DSCAML1: variants seen among roughly 807,000 people sequenced by gnomAD.
The protein encoded by DSCAML1 is DS cell adhesion molecule like 1, also known as cell adhesion molecule DSCAML1.
DSCAML1 carries 38 observed loss-of-function variants against 200.5 expected under a neutral mutation model. That is an observed-to-expected ratio of 0.19 (90% CI 0.15 to 0.25). The LOEUF is 0.25. DSCAML1 is among the 10% of genes least tolerant of loss of function. The pLI, the probability that DSCAML1 is intolerant of heterozygous loss-of-function variation, is 1.00. For synonymous variants in DSCAML1, 1,215 were observed against 1,165.0 expected (o/e 1.04, Z -0.87); for missense variants, 2,223 against 2,858.8 (o/e 0.78, Z 5.07).
intron 3 of DSCAML1, among the ~76,000 whole-genome samples, chr11:117,551,155 A>G (rs543639792): frequency 6.6e-6 from 1 of 152,368 alleles, no homozygotes; most frequent in African/African-American, 2.4e-5. Context: ...TAGTCCCTAA[A>G]AACGTGTAAA....
In DSCAML1 at chr11:117,776,837, A is replaced by G; in HGVS notation, c.465T>C (p.Tyr155=). The G allele has an allele frequency of 1.9e-6, 3 of 1,614,154 alleles. No individual in the cohort carries two copies. Among genetic ancestry groups the G allele is most frequent in the East Asian group, 2.2e-5 (1 of 44,882 alleles). ...KCLIPSSVQE[Y]VSVVSWEKDT... ...CTTTCTCCCAAGATACAACGCTAAC[A>G]TATTCCTGCACTGAAGAGGGGATGA... Residue 155 remains tyrosine (Y), a synonymous_variant, in exon 3 of 33, where the codon TAT becomes TAC. Transcript: ENST00000651296.
chr11:117,775,767 G>A (rs540982248), intron 3 of DSCAML1, among the ~76,000 whole-genome samples: 1 of 152,152 alleles, frequency 6.6e-6, no homozygotes, highest in South Asian at 2.1e-4. Context: ...TTCTAAAGGA[G>A]CTCCTCGGGG....
rs1182660051 is a variant in DSCAML1, at chr11:117,780,290, A to AAGAAAGAAAGAAAGACAGAC, written c.364+202_364+203insGTCTGTCTTTCTTTCTTTCT. Among the ~76,000 whole-genome samples the AAGAAAGAAAGAAAGACAGAC allele has an allele frequency of 2.0e-5, 2 of 100,208 alleles. No homozygotes were observed. The highest frequency in any genetic ancestry group is 5.4e-4 in the East Asian group (2 of 3,696). 65.7% of individuals were successfully genotyped at this position (100,208 alleles called of 152,430 possible). A position where few individuals can be genotyped will look rare whatever the true frequency, so the allele number is the denominator to read the frequency against. On this transcript the variant is annotated intron_variant, in intron 2 of 32. Transcript: ENST00000651296. This position sits in a 1 kb window ranked among gnomAD's most constrained non-coding sequence, Gnocchi z 4.8. ...AAAGAAAGAAAGAAAGAAAGAAAGAAAGAAAGAAAGAAAGAGAGAAAGGAG... is the reference window on the plus strand; with the variant it reads ...AAAGAAAGAAAGAAAGAAAGAAAGAAAGAAAGAAAGAAAGACAGACAGAAAGAAAGAAAGAGAGAAAGGAG...
chr11:117,447,541 CTT>C (rs2048204980), intron 20 of DSCAML1, among the ~76,000 whole-genome samples: 1 of 152,098 alleles, frequency 6.6e-6, no homozygotes, highest in African/African-American at 2.4e-5. Context: ...CCTCTCTATT[CTT>C]TTATATGTTT....
chr11:117,436,613 C>T (rs1473195005), intron 26 of DSCAML1, among the ~76,000 whole-genome samples: 1 of 152,030 alleles, frequency 6.6e-6, no homozygotes, highest in Non-Finnish European at 1.5e-5. Context: ...TTCTGTGGAT[C>T]CTGGAGTCTC....
intron 3 of DSCAML1, among the ~76,000 whole-genome samples, chr11:117,634,762 C>A (rs911160081): frequency 6.6e-6 from 1 of 152,220 alleles, no homozygotes; most frequent in Non-Finnish European, 1.5e-5. Context: ...TGGTCCCCTA[C>A]TCCTCGAGGC....
intron 3 of DSCAML1, among the ~76,000 whole-genome samples, chr11:117,674,722 G>A (rs569624287): frequency 2.6e-4 from 39 of 152,248 alleles, no homozygotes; most frequent in African/African-American, 8.4e-4. Context: ...TGGTCCAAGC[G>A]GAAGAATATC....
chr11:117,764,301 G>A (rs1213021340), intron 3 of DSCAML1, among the ~76,000 whole-genome samples: 1 of 152,208 alleles, frequency 6.6e-6, no homozygotes, highest in East Asian at 1.9e-4. Context: ...GTGTGTGCAT[G>A]AGTGTGTGAA....
At position 117,706,413 on chromosome 11, in the gene DSCAML1, G is replaced by A. The variant is rs115079242; in HGVS notation, c.511+70378C>T. ...TCTAACTTTCCCATGACTCGGTGCC[G>A]GTCTATTCCCAGGGAGAAAAGCAAT... On this transcript the variant is annotated intron_variant, in intron 3 of 32. Transcript: ENST00000651296. Among the ~76,000 whole-genome samples, 403 of 152,234 alleles carry A rather than the reference G, an allele frequency of 2.6e-3. 1 individual carries two copies. The highest frequency in any genetic ancestry group is 9.1e-3 in the African/African-American group (379 of 41,550).
At chr11:117,593,411 C>T (rs756079182) in intron 3 of DSCAML1, among the ~76,000 whole-genome samples, 6 of 152,216 alleles carry the variant, frequency 3.9e-5, no homozygotes, top group South Asian at 2.1e-4. Context: ...GGCTGCTGTG[C>T]GGCCTCCCTC....
chr11:117,759,041 G>A (rs2054750086), intron 3 of DSCAML1, among the ~76,000 whole-genome samples: 1 of 152,122 alleles, frequency 6.6e-6, no homozygotes, highest in Admixed American at 6.5e-5. Context: ...TGTCCTCTTT[G>A]TAAACTCTGG....
At chr11:117,619,156 G>A (rs2051874665) in intron 3 of DSCAML1, among the ~76,000 whole-genome samples, 1 of 152,208 alleles carries the variant, frequency 6.6e-6, no homozygotes, top group Admixed American at 6.5e-5. Flanking sequence ...TCCCGTAAGG[G>A]CTGCCAAGTC....
At chr11:117,673,704 G>A (rs954836868) in intron 3 of DSCAML1, among the ~76,000 whole-genome samples, 2 of 152,262 alleles carry the variant, frequency 1.3e-5, no homozygotes, top group Admixed American at 6.5e-5. Context: ...GGGTTGAGGA[G>A]GTGGGGGTGG....
At chr11:117,701,833 T>C (rs2053673084) in intron 3 of DSCAML1, among the ~76,000 whole-genome samples, 1 of 152,178 alleles carries the variant, frequency 6.6e-6, no homozygotes, top group Non-Finnish European at 1.5e-5. Flanking sequence ...CTGGACGTCC[T>C]GGGGATGTCA....
chr11:117,664,562 T>G (rs531970765), intron 3 of DSCAML1, among the ~76,000 whole-genome samples: 1 of 152,176 alleles, frequency 6.6e-6, no homozygotes, highest in African/African-American at 2.4e-5. Flanking sequence ...ATATGAAAAG[T>G]ACCTAGCGCT....
At chr11:117,495,483 T>C (rs2049273661) in intron 11 of DSCAML1, among the ~76,000 whole-genome samples, 1 of 152,162 alleles carries the variant, frequency 6.6e-6, no homozygotes, top group Non-Finnish European at 1.5e-5. Context: ...TCTAGGCGAA[T>C]CTGCACTCAG....
At chr11:117,439,018 G>C (rs879825537) in intron 23 of DSCAML1, 35 bp from the exon 24 acceptor site, 17 of 1,568,910 alleles carry the variant, frequency 1.1e-5, no homozygotes, top group Non-Finnish European at 1.4e-5. Context: ...TTAGCACAAG[G>C]GCGGACCCTG....
At chr11:117,784,874 G>A (rs905915981) in intron 1 of DSCAML1, among the ~76,000 whole-genome samples, 7 of 152,200 alleles carry the variant, frequency 4.6e-5, no homozygotes, top group African/African-American at 1.7e-4. Context: ...TCCCCATGAG[G>A]ATGTTATAAT....
At chr11:117,615,761 C>T (rs2051798815) in intron 3 of DSCAML1, among the ~76,000 whole-genome samples, 1 of 152,214 alleles carries the variant, frequency 6.6e-6, no homozygotes, top group South Asian at 2.1e-4. Context: ...CACAAATGCA[C>T]TTTCCCACAT....
Sources: gnomAD v4.1 joint callset for allele counts (sites outside exome capture counted in the v4.1 genomes callset) on GRCh38, gnomAD v4.1.1 for gene constraint, Gnocchi (gnomAD v3.1) non-coding constraint, MANE v1.5 for transcripts, NCBI Gene and HGNC (gene_info 2026-07-23, HGNC 2026-07-21) for gene names.